SVOP: variants seen among roughly 807,000 people sequenced by gnomAD.
The protein encoded by SVOP is SV2 related protein.
In SVOP, 17 loss-of-function variants were observed where a neutral mutation model predicts 69.1. The observed-to-expected ratio is 0.25, with a 90% CI of 0.17 to 0.37. The LOEUF is 0.37. SVOP is among the 10% of genes least tolerant of loss of function. SVOP has a pLI of 1.00. For missense variants in SVOP, 435 were observed against 597.5 expected (o/e 0.73, Z 2.84); for synonymous variants, 238 against 238.6 (o/e 1.00, Z 0.02).
rs957924107 is a variant in SVOP, at chr12:108,977,437, C to T, written c.342G>A (p.Glu114=). The T allele has an allele frequency of 1.3e-6, 2 of 1,537,158 alleles. No homozygotes were observed. The highest frequency in any genetic ancestry group is 1.4e-5 in the African/African-American group (1 of 73,058). Residue 114 remains glutamate (E), a synonymous_variant, in exon 4 of 16, where the codon GAG becomes GAA. Transcript: ENST00000610966. The part of the protein sequence containing the change: ...LSILAPQLHC[E]WRLPSWQVAL... ...CCACCTGCCAGCTTGGGAGCCTCCA[C>T]TCGCAATGCAGCTGTGGTGCCAGGA...
At chr12:109,007,600 A>G (rs2040316002) in intron 1 of SVOP, among the ~76,000 whole-genome samples, 2 of 152,252 alleles carry the variant, frequency 1.3e-5, no homozygotes, top group Admixed American at 6.5e-5. Flanking sequence ...GAGGCACTGC[A>G]ACAGAGGCAG....
At chr12:108,937,419 C>T in intron 9 of SVOP, 82 bp from the exon 10 acceptor site, 3 of 1,346,688 alleles carry the variant, frequency 2.2e-6, no homozygotes, top group South Asian at 1.2e-5. Context: ...GACTAGTGCA[C>T]ACCAGGCTGG....
chr12:108,945,275 C>T, intron 6 of SVOP, 109 bp from the exon 7 acceptor site: 1 of 979,778 alleles, frequency 1.0e-6, no homozygotes, highest in Non-Finnish European at 1.5e-6. Context: ...GGTCAGTGAA[C>T]CACTTACATC....
intron 1 of SVOP, among the ~76,000 whole-genome samples, chr12:108,994,888 G>A (rs1391766750): frequency 6.6e-6 from 1 of 152,140 alleles, no homozygotes; most frequent in Non-Finnish European, 1.5e-5. Context: ...TGTAATCTCA[G>A]CACTTTGGGA....
At chr12:109,000,052 T>C (rs935688903) in intron 1 of SVOP, among the ~76,000 whole-genome samples, 7 of 151,302 alleles carry the variant, frequency 4.6e-5, no homozygotes, top group Admixed American at 1.3e-4. Context: ...TCAACAAAAT[T>C]GATAGACCGC....
intron 4 of SVOP, among the ~76,000 whole-genome samples, chr12:108,975,206 C>T (rs1410782627): frequency 6.6e-6 from 1 of 152,216 alleles, no homozygotes; most frequent in Non-Finnish European, 1.5e-5. Flanking sequence ...GATTCTGGCA[C>T]AGCAAAGCAC....
chr12:108,939,035 C>T, intron 8 of SVOP, 80 bp from the exon 9 acceptor site: 2 of 1,595,616 alleles, frequency 1.3e-6, no homozygotes, highest in South Asian at 2.2e-5. Context: ...CACAGTGTTG[C>T]ATGTGGGGTC....
At chr12:109,013,849 C>G (rs1430387904) in intron 1 of SVOP, among the ~76,000 whole-genome samples, 1 of 152,130 alleles carries the variant, frequency 6.6e-6, no homozygotes, top group Non-Finnish European at 1.5e-5. Flanking sequence ...CCCTCTCCCC[C>G]CACCACCGAG....
chr12:108,991,664 C>T (rs981341253), intron 1 of SVOP, among the ~76,000 whole-genome samples: 2 of 151,924 alleles, frequency 1.3e-5, no homozygotes, highest in East Asian at 3.9e-4. Flanking sequence ...CCATGTTGGC[C>T]AGGCTGGTCT....
chr12:109,001,592 T>C (rs1349958018), intron 1 of SVOP, among the ~76,000 whole-genome samples: 46 of 141,926 alleles, frequency 3.2e-4, no homozygotes, highest in African/African-American at 1.1e-3. Flanking sequence ...AACAGCATGG[T>C]ACTGGTACCA....
chr12:108,958,724 T>C (rs1383751213), intron 6 of SVOP, among the ~76,000 whole-genome samples: 4 of 152,130 alleles, frequency 2.6e-5, no homozygotes, highest in Non-Finnish European at 5.9e-5. Context: ...GCTGAGTCCC[T>C]TGCAGAAGTT....
chr12:108,918,059 T>C lies in SVOP; in HGVS notation c.1334A>G (p.Tyr445Cys), dbSNP rs1208247524. The C allele has an allele frequency of 1.3e-6, 2 of 1,581,704 alleles. No homozygotes were observed. Among genetic ancestry groups the C allele is most frequent in the South Asian group, 1.2e-5 (1 of 85,796 alleles). Residue 445 changes from tyrosine to cysteine, a missense_variant, in exon 14 of 16, where the codon TAT (tyrosine) becomes TGT (cysteine). Coordinates refer to ENST00000610966, the MANE Select transcript of SVOP (RefSeq NM_018711.5). ...CCCTCCTACCTCAGGTGTGTAAACATATGCCGCTTGAAAGCCTCCAGAAAT... is the reference window on the plus strand; with the variant it reads ...CCCTCCTACCTCAGGTGTGTAAACACATGCCGCTTGAAAGCCTCCAGAAAT... ...AFISGGFQAAYVYTPEVYPTA... is the reference protein window; with the variant it reads ...AFISGGFQAACVYTPEVYPTA...
chr12:109,014,159 G>T (rs1489768486), intron 1 of SVOP, among the ~76,000 whole-genome samples: 1 of 151,806 alleles, frequency 6.6e-6, no homozygotes, highest in Non-Finnish European at 1.5e-5. Flanking sequence ...GGGATTACAG[G>T]TGCATGCCAC....
intron 1 of SVOP, among the ~76,000 whole-genome samples, chr12:109,011,583 A>C (rs111725996): frequency 9.6e-4 from 146 of 152,310 alleles, no homozygotes; most frequent in African/African-American, 3.3e-3. Flanking sequence ...CTAGAACTCA[A>C]ACACAAATAC....
chr12:108,945,340 C>T (rs902477295), intron 6 of SVOP, among the ~76,000 whole-genome samples, 174 bp from the exon 7 acceptor site: 9 of 152,318 alleles, frequency 5.9e-5, no homozygotes, highest in East Asian at 1.9e-4. Context: ...TCCCTCCCTT[C>T]CTAGACCTTC....
chr12:108,955,837 T>C (rs1746866265), intron 6 of SVOP, among the ~76,000 whole-genome samples: 1 of 152,192 alleles, frequency 6.6e-6, no homozygotes, highest in Non-Finnish European at 1.5e-5. Context: ...TTAATGACTA[T>C]TTTAAGGGAC....
intron 15 of SVOP, among the ~76,000 whole-genome samples, chr12:108,914,462 G>T (rs766892306): frequency 1.3e-5 from 2 of 152,182 alleles, no homozygotes; most frequent in African/African-American, 4.8e-5. Context: ...CATGACACAC[G>T]AAGAGTTGCA....
chr12:108,945,668 T>C (rs2039918233), intron 6 of SVOP, among the ~76,000 whole-genome samples: 1 of 152,146 alleles, frequency 6.6e-6, no homozygotes, highest in African/African-American at 2.4e-5. Flanking sequence ...AATACAGATG[T>C]GAGGCACCAT....
At chr12:108,991,986 G>A (rs540170188) in intron 1 of SVOP, among the ~76,000 whole-genome samples, 3 of 152,138 alleles carry the variant, frequency 2.0e-5, no homozygotes, top group Admixed American at 6.5e-5. Context: ...ATTTAGTTAC[G>A]GTAACTTCTC....
Sources: allele counts gnomAD v4.1 joint callset (sites outside exome capture counted in the v4.1 genomes callset), GRCh38; gene constraint gnomAD v4.1.1; transcripts MANE v1.5; gene names NCBI Gene and HGNC (gene_info 2026-07-23, HGNC 2026-07-21).